Variants in ADRA1B observed in about 807,000 individuals in gnomAD.
ADRA1B encodes adrenoceptor alpha 1B.
ADRA1B carries 17 observed loss-of-function variants against 17.9 expected under a neutral mutation model. The ratio of observed to expected loss-of-function variants is 0.95; its 90% CI spans 0.65 to 1.42. The LOEUF is 1.42. Ranked by LOEUF, ADRA1B falls within the 40% of genes most tolerant of loss-of-function variation. The probability of loss-of-function intolerance (pLI) is 0.00; values close to 1 mark genes in which losing one functional copy is unlikely to be tolerated. For synonymous variants in ADRA1B, 366 were observed against 327.6 expected (o/e 1.12, Z -1.27); for missense variants, 681 against 722.1 (o/e 0.94, Z 0.65).
At chr5:159,897,634 C>T (rs534394297) in intron 1 of ADRA1B, among the ~76,000 whole-genome samples, 2 of 152,280 alleles carry the variant, frequency 1.3e-5, no homozygotes, top group African/African-American at 2.4e-5. Flanking sequence ...CAAGATTAGG[C>T]GCAACTACTA....
chr5:159,882,878 G>C (rs1753877248), intron 1 of ADRA1B, among the ~76,000 whole-genome samples: 1 of 152,190 alleles, frequency 6.6e-6, no homozygotes, highest in Admixed American at 6.5e-5. Context: ...GAGAGGGAGA[G>C]AGAGAGAATG....
chr5:159,979,706 A>G, the ADRA1B span, among the ~76,000 whole-genome samples: 1 of 152,078 alleles, frequency 6.6e-6, no homozygotes, highest in East Asian at 1.9e-4. Context: ...CATCTCTACT[A>G]AAAATACAAA....
In ADRA1B at chr5:159,972,408, CG is replaced by C; in HGVS notation, c.1481del (p.Gly494GlufsTer97). ...CCGGGACCGACGGCGGCGCCAGCAA[CG>C]GAGGCTGCGAGGCCGCGGCCGACGT... ...SPGTDGGASN[G>X]GCEAAADVAN... On this transcript the variant is annotated frameshift_variant, in exon 2 of 2. Transcript: ENST00000306675. LOFTEE classifies it high-confidence loss of function. 1 of 1,511,152 alleles carries C rather than the reference CG, an allele frequency of 6.6e-7. No homozygotes were observed. The highest frequency in any genetic ancestry group is 1.2e-5 in the South Asian group (1 of 81,880). 93.6% of individuals were successfully genotyped at this position (1,511,152 alleles called of 1,614,324 possible).
At chr5:159,923,177 G>A (rs1754537407) in intron 1 of ADRA1B, among the ~76,000 whole-genome samples, 1 of 152,290 alleles carries the variant, frequency 6.6e-6, no homozygotes, top group African/African-American at 2.4e-5. Context: ...CCAGAGGCGT[G>A]GGCAGAGGCC....
At chr5:159,912,233 C>A (rs1754234443), upstream of ADRA1B, among the ~76,000 whole-genome samples, 1 of 152,114 alleles carries the variant, frequency 6.6e-6, no homozygotes, top group African/African-American at 2.4e-5. Context: ...GAAACTGGGC[C>A]CAGAGTGGTT....
At chr5:159,982,969 C>CA in the ADRA1B span, among the ~76,000 whole-genome samples, 1 of 152,312 alleles carries the variant, frequency 6.6e-6, no homozygotes, top group East Asian at 1.9e-4. Flanking sequence ...TGCGTGCACA[C>CA]ACATGCAGGA....
intron 1 of ADRA1B, among the ~76,000 whole-genome samples, chr5:159,924,029 A>G (rs933444663): frequency 6.6e-6 from 1 of 152,280 alleles, no homozygotes; most frequent in Non-Finnish European, 1.5e-5. Context: ...TTTGGCACTC[A>G]ATAAACATTC....
intron 1 of ADRA1B, among the ~76,000 whole-genome samples, chr5:159,927,680 CCTTT>C (rs1754697860): frequency 6.6e-6 from 1 of 152,010 alleles, no homozygotes; most frequent in Admixed American, 6.5e-5. Context: ...TTATAATAAC[CCTTT>C]CTTATTTTCA....
rs1755891769 is a variant in ADRA1B at position 159,972,344 on chromosome 5, C to A, written c.1415C>A (p.Pro472Gln). 2.7e-6 allele frequency: 4 copies of A among 1,486,284 alleles called. No homozygotes were observed. The highest frequency in any genetic ancestry group is 3.6e-6 in the Non-Finnish European group (4 of 1,124,996). The allele number at this position is 1,486,284 out of a possible 1,614,324, so 92.1% of individuals were successfully genotyped here. Residue 472 changes from proline to glutamine, a missense_variant, in exon 2 of 2, where the codon CCG (proline) becomes CAG (glutamine). Around this residue, in one of 3 missense-constraint regions of ADRA1B, gnomAD observed 251 missense variants for 224.9 expected, o/e 1.12. Transcript: ENST00000306675. ...CGCCGCGGCCGCCACGACTCGGGCC[C>A]GCTCTTCACCTTCAAGCTCCTGACC... ...PGRRGRHDSG[P>Q]LFTFKLLTEP... is the part of the protein sequence containing the mutation.
chr5:159,985,542 G>T, the ADRA1B span, among the ~76,000 whole-genome samples: 3 of 152,216 alleles, frequency 2.0e-5, no homozygotes. Context: ...CAGTTTATAA[G>T]CATCTCTGTT....
intron 1 of ADRA1B, among the ~76,000 whole-genome samples, chr5:159,962,382 TGAGTGGTGCTGCCATCC>T (rs1322355134): frequency 3.0e-5 from 4 of 134,002 alleles, no homozygotes; most frequent in East Asian, 2.9e-4. Context: ...GCCATCTGTC[TGAGTGGTGCTGCCATCC>T]GTCTGATTTC....
intron 1 of ADRA1B, chr5:159,950,892 G>T (rs375869346): frequency 2.2e-4 from 125 of 578,806 alleles, no homozygotes; most frequent in African/African-American, 2.1e-3. Context: ...GTGATGTTCT[G>T]GAGAGCCCCG....
At chr5:159,911,930 C>T (rs963318011), upstream of ADRA1B, among the ~76,000 whole-genome samples, 1 of 152,182 alleles carries the variant, frequency 6.6e-6, no homozygotes, top group East Asian at 1.9e-4. Flanking sequence ...AGCTGTGCCA[C>T]TTGTTAGTCC....
intron 1 of ADRA1B, among the ~76,000 whole-genome samples, chr5:159,937,045 T>C (rs554863128): frequency 2.0e-5 from 3 of 152,124 alleles, no homozygotes; most frequent in South Asian, 2.1e-4. Context: ...AATCAGAAAC[T>C]GGAGGTGCAA....
rs1755874926 is a variant in ADRA1B at position 159,971,873 on chromosome 5, C to A, written c.950-6C>A. The A allele has an allele frequency of 4.3e-6, 2 of 468,694 alleles. No individual in the cohort carries two copies. The highest frequency in any genetic ancestry group is 4.0e-5 in the Admixed American group (1 of 25,038). The allele number at this position is 468,694 out of a possible 1,614,324, so 29.0% of individuals were successfully genotyped here. On this transcript the variant is annotated splice_polypyrimidine_tract_variant and splice_region_variant and intron_variant, in intron 1 of 1. Coordinates refer to ENST00000306675, the MANE Select transcript of ADRA1B (RefSeq NM_000679.4). ...CTGCCCGTGCCCACCCCCCTCCCCA[C>A]TGCAGGCTCCTTGTTCTCCACCCTG...
intron 1 of ADRA1B, among the ~76,000 whole-genome samples, chr5:159,957,506 CA>C (rs201392371): frequency 0.34 from 30,889 of 91,956 alleles, 3,176 homozygotes; most frequent in East Asian, 0.6. Context: ...GACTCTGTCT[CA>C]AAAAAAAAAA....
At chr5:159,927,246 G>C (rs1285606736) in intron 1 of ADRA1B, among the ~76,000 whole-genome samples, 1 of 152,104 alleles carries the variant, frequency 6.6e-6, no homozygotes, top group Non-Finnish European at 1.5e-5. Context: ...CTCTGAGAGG[G>C]ATATGGTCAG....
intron 1 of ADRA1B, chr5:159,951,602 A>G: frequency 1.2e-5 from 5 of 427,280 alleles, no homozygotes; most frequent in Non-Finnish European, 2.2e-5. Flanking sequence ...GTCTGGATGG[A>G]TAGACGAGAC....
intron 1 of ADRA1B, among the ~76,000 whole-genome samples, chr5:159,968,785 G>T (rs777040912): frequency 3.9e-5 from 6 of 152,114 alleles, no homozygotes; most frequent in Non-Finnish European, 5.9e-5. Context: ...TCACTATGTT[G>T]CCCCGGCTGG....
Sources: gnomAD v4.1 joint callset for allele counts (sites outside exome capture counted in the v4.1 genomes callset) on GRCh38, gnomAD v4.1.1 for gene constraint, gnomAD v4.1.1 regional missense constraint, MANE v1.5 for transcripts, NCBI Gene and HGNC (gene_info 2026-07-23, HGNC 2026-07-21) for gene names.